The following PTGER3 variants were observed in gnomAD, a reference collection of about 807,000 sequenced individuals.
PTGER3 encodes the protein prostaglandin E2 receptor EP3 subtype.
A neutral mutation model predicts 34.7 loss-of-function variants in PTGER3; 22 were observed. The observed-to-expected ratio is 0.63, with a 90% CI of 0.45 to 0.91. The LOEUF is 0.91. PTGER3 is among the 40% of genes least tolerant of loss of function. The pLI is 0.00. For missense variants in PTGER3, 468 were observed against 519.4 expected (o/e 0.90, Z 0.96); for synonymous variants, 241 against 230.1 (o/e 1.05, Z -0.43).
intron 4 of PTGER3, among the ~76,000 whole-genome samples, chr1:70,932,044 C>T (rs1439441764): frequency 2.0e-5 from 3 of 152,180 alleles, no homozygotes; most frequent in African/African-American, 4.8e-5. Flanking sequence ...GAATGCTTTG[C>T]TGCTTAGAAA....
intron 1 of PTGER3, among the ~76,000 whole-genome samples, chr1:71,044,098 G>A (rs1281166554): frequency 6.6e-6 from 1 of 151,092 alleles, no homozygotes; most frequent in Non-Finnish European, 1.5e-5. Context: ...TTACAGGCGT[G>A]AGCCACTGCG....
chr1:71,016,853 A>C (rs77866446), intron 1 of PTGER3, among the ~76,000 whole-genome samples: 13,970 of 152,200 alleles, frequency 0.092, 798 homozygotes, highest in African/African-American at 0.15. Context: ...GATGTTAATG[A>C]AAGTCTTTTA....
intron 4 of PTGER3, among the ~76,000 whole-genome samples, chr1:70,878,546 C>A (rs1040720226): frequency 6.6e-6 from 1 of 151,934 alleles, no homozygotes; most frequent in African/African-American, 2.4e-5. Context: ...TCTCTAGTTT[C>A]TCTAATTGTG....
chr1:70,935,676 T>TATAA (rs1281423277), intron 4 of PTGER3, among the ~76,000 whole-genome samples: 2 of 146,368 alleles, frequency 1.4e-5, no homozygotes, highest in Non-Finnish European at 3.0e-5. Context: ...AATATAAATA[T>TATAA]ATATATATAT....
intron 2 of PTGER3, chr1:71,010,458 C>G: frequency 5.1e-6 from 5 of 983,582 alleles, no homozygotes; most frequent in Non-Finnish European, 6.0e-6. Flanking sequence ...TTTCTATATT[C>G]CAGGTGCTAT....
At chr1:70,854,301 G>A (rs1421900301) in intron 4 of PTGER3, among the ~76,000 whole-genome samples, 1 of 152,110 alleles carries the variant, frequency 6.6e-6, no homozygotes, top group Non-Finnish European at 1.5e-5. Flanking sequence ...TTAAAAAAAT[G>A]GGTAAAATCC....
chr1:70,888,468 A>G (rs1024820670), intron 4 of PTGER3, among the ~76,000 whole-genome samples: 7 of 152,180 alleles, frequency 4.6e-5, no homozygotes, highest in African/African-American at 1.7e-4. Context: ...ATTCAAGCAA[A>G]TTAATGTATC....
intron 2 of PTGER3, chr1:71,007,741 G>T: frequency 1.0e-6 from 1 of 985,248 alleles, no homozygotes; most frequent in Non-Finnish European, 1.2e-6. Context: ...ATCTATATTT[G>T]AATTACTATT....
chr1:71,034,486 G>A lies in PTGER3; in HGVS notation c.897+12195C>T, dbSNP rs74631810. 8.5e-5 allele frequency among the ~76,000 whole-genome samples: 13 copies of A among 152,258 alleles called. No homozygotes were observed. In the East Asian group the frequency reaches 2.5e-3, roughly 29 times the overall value. On this transcript the variant is annotated intron_variant, in intron 1 of 3. Coordinates refer to ENST00000306666, the MANE Select transcript of PTGER3 (RefSeq NM_198719.2). ...AGTCATTTTATGTAAATGCACATGA[G>A]TTTACATTGCTAATATAATTGTTGA...
At chr1:70,878,827 C>T (rs983959367) in intron 4 of PTGER3, among the ~76,000 whole-genome samples, 2 of 151,884 alleles carry the variant, frequency 1.3e-5, no homozygotes, top group African/African-American at 2.4e-5. Context: ...TGCTGTAGTC[C>T]GTGAATGTAG....
intron 2 of PTGER3, chr1:71,011,314 G>T: frequency 1.0e-6 from 1 of 985,038 alleles, no homozygotes. Flanking sequence ...TATTCATTGA[G>T]TCTTCAAAAT....
intron 4 of PTGER3, among the ~76,000 whole-genome samples, chr1:70,898,331 G>C (rs879398367): frequency 5.3e-5 from 8 of 150,270 alleles, no homozygotes; most frequent in East Asian, 4.0e-4. Context: ...TACAACTCCA[G>C]ATCAAGGTGG....
At chr1:70,883,326 AT>A (rs1285018512) in intron 4 of PTGER3, among the ~76,000 whole-genome samples, 1 of 152,230 alleles carries the variant, frequency 6.6e-6, no homozygotes, top group African/African-American at 2.4e-5. Flanking sequence ...TTATTAACAC[AT>A]TCATAAACAT....
intron 2 of PTGER3, among the ~76,000 whole-genome samples, chr1:70,975,735 C>T (rs1296508952): frequency 6.6e-6 from 1 of 152,162 alleles, no homozygotes; most frequent in Non-Finnish European, 1.5e-5. Context: ...TATTCCACAG[C>T]AAACAGAAAA....
chr1:71,011,829 A>T, intron 2 of PTGER3: 1 of 999,810 alleles, frequency 1.0e-6, no homozygotes, highest in South Asian at 4.5e-5. Flanking sequence ...TCTTTGAATA[A>T]AAACAAACTG....
At chr1:70,991,398 C>T (rs1272776904) in intron 2 of PTGER3, among the ~76,000 whole-genome samples, 1 of 152,142 alleles carries the variant, frequency 6.6e-6, no homozygotes, top group Non-Finnish European at 1.5e-5. Context: ...TATGAGCCTG[C>T]TTTCTTTCTT....
At chr1:70,981,621 C>G (rs1403029543) in intron 2 of PTGER3, among the ~76,000 whole-genome samples, 1 of 151,780 alleles carries the variant, frequency 6.6e-6, no homozygotes, top group Non-Finnish European at 1.5e-5. Flanking sequence ...GTTGTTTAGG[C>G]TGGTCTCTAA....
intron 1 of PTGER3, among the ~76,000 whole-genome samples, chr1:71,045,154 T>A: frequency 6.6e-6 from 1 of 152,150 alleles, no homozygotes; most frequent in Middle Eastern, 3.2e-3. Flanking sequence ...AGCATAACAC[T>A]CCTTGTCCCC....
At chr1:70,981,393 TTC>T (rs1306410928) in intron 2 of PTGER3, among the ~76,000 whole-genome samples, 2 of 91,238 alleles carry the variant, frequency 2.2e-5, no homozygotes, top group East Asian at 9.3e-4. Context: ...CTTTCTTTCT[TTC>T]CTTCCTTCCT....
Sources: gnomAD v4.1 joint callset for allele counts (sites outside exome capture counted in the v4.1 genomes callset) on GRCh38, gnomAD v4.1.1 for gene constraint, MANE v1.5 for transcripts, NCBI Gene and HGNC (gene_info 2026-07-23, HGNC 2026-07-21) for gene names.